MYRIP: variants seen among roughly 807,000 people sequenced by gnomAD.
MYRIP encodes rab effector MyRIP.
In MYRIP, 49 loss-of-function variants were observed where a neutral mutation model predicts 98.0. The observed-to-expected ratio is 0.50, with a 90% CI of 0.40 to 0.63. The LOEUF (loss-of-function observed/expected upper bound fraction) is 0.63. Ranked by LOEUF, MYRIP falls within the 30% of genes least tolerant of loss-of-function variation. MYRIP has a pLI of 0.00. For missense variants in MYRIP, 1,004 were observed against 1,058.2 expected (o/e 0.95, Z 0.71); for synonymous variants, 404 against 409.5 (o/e 0.99, Z 0.16).
intron 12 of MYRIP, among the ~76,000 whole-genome samples, chr3:40,237,253 A>G (rs1472343725): frequency 6.6e-6 from 1 of 152,052 alleles, no homozygotes; most frequent in African/African-American, 2.4e-5. Context: ...CTGTCTGTTC[A>G]CTTTTCACAC....
At chr3:40,156,166 T>G (rs1163020467) in intron 4 of MYRIP, among the ~76,000 whole-genome samples, 1 of 151,624 alleles carries the variant, frequency 6.6e-6, no homozygotes, top group African/African-American at 2.4e-5. Context: ...AATTAATTTT[T>G]GTATAAGGTG....
chr3:39,876,678 C>T (rs1273159545), intron 1 of MYRIP, among the ~76,000 whole-genome samples: 1 of 152,056 alleles, frequency 6.6e-6, no homozygotes, highest in Non-Finnish European at 1.5e-5. Context: ...CCCCCACTCT[C>T]TTCTGGCTTG....
At chr3:40,005,474 G>A (rs1045702466) in intron 2 of MYRIP, among the ~76,000 whole-genome samples, 3 of 152,348 alleles carry the variant, frequency 2.0e-5, no homozygotes, top group Middle Eastern at 3.4e-3. Flanking sequence ...TGTGTCACTT[G>A]TTCCAAGGTA....
At chr3:40,180,410 T>G (rs1038324749) in intron 8 of MYRIP, among the ~76,000 whole-genome samples, 2 of 152,218 alleles carry the variant, frequency 1.3e-5, no homozygotes, top group Non-Finnish European at 2.9e-5. Context: ...AACATTACCC[T>G]CAGTTGCTCC....
chr3:39,877,297 G>A (rs1037879333), intron 1 of MYRIP, among the ~76,000 whole-genome samples: 34 of 151,924 alleles, frequency 2.2e-4, no homozygotes, highest in African/African-American at 6.3e-4. Flanking sequence ...ATGTCCTCCC[G>A]TAGCTCAGAG....
rs558119142 is a variant in MYRIP at position 40,066,394 on chromosome 3, A to G, written c.332+22123A>G. 1.4e-3 allele frequency among the ~76,000 whole-genome samples: 210 copies of G among 152,304 alleles called. 1 individual carries two copies. The highest frequency in any genetic ancestry group is 5.0e-3 in the African/African-American group (207 of 41,572). Reference sequence around the variant, plus strand: ...GACAAAGCAATCTTGAGATCTGAAGAAAACTTTTTTTTTCCTTTATTTATG... The same window carrying G: ...GACAAAGCAATCTTGAGATCTGAAGGAAACTTTTTTTTTCCTTTATTTATG... On this transcript the variant is annotated intron_variant, in intron 3 of 16. Transcript: ENST00000302541.
Position 40,004,661 on chromosome 3 carries a change from C to T in MYRIP, c.111-39389C>T, listed in dbSNP as rs114450484. On this transcript the variant is annotated intron_variant, in intron 2 of 16. Coordinates refer to ENST00000302541, the MANE Select transcript of MYRIP (RefSeq NM_015460.4). ...ACCTTTCCTTCTGAGTCCCCAAAGT[C>T]CACTGTATTATTATTATGCCTTTGC... is the stretch of plus-strand genomic sequence containing the variant. 5.9e-3 allele frequency among the ~76,000 whole-genome samples: 903 copies of T among 152,170 alleles called. 2 individuals carry two copies. Among genetic ancestry groups the T allele is most frequent in the Non-Finnish European group, 9.9e-3 (673 of 68,014 alleles).
chr3:39,896,610 T>C (rs1437112532), intron 1 of MYRIP, among the ~76,000 whole-genome samples: 1 of 152,198 alleles, frequency 6.6e-6, no homozygotes, highest in African/African-American at 2.4e-5. Context: ...AAACCCACCA[T>C]GGTCAAAGTG....
At chr3:40,128,959 G>A (rs1298150104) in intron 3 of MYRIP, among the ~76,000 whole-genome samples, 1 of 152,048 alleles carries the variant, frequency 6.6e-6, no homozygotes, top group African/African-American at 2.4e-5. Context: ...TATTAGCATT[G>A]TATTTTCTTA....
chr3:40,028,847 A>G (rs1316911820), intron 2 of MYRIP, among the ~76,000 whole-genome samples: 1 of 152,136 alleles, frequency 6.6e-6, no homozygotes, highest in African/African-American at 2.4e-5. Context: ...ATATAATCTA[A>G]TAAGTGAGAG....
rs116172319 is a variant in MYRIP, at chr3:40,178,565, C to A, written c.874-3655C>A. Among the ~76,000 whole-genome samples the A allele has an allele frequency of 8.6e-3, 1,317 of 152,306 alleles. 13 individuals carry two copies. The highest frequency in any genetic ancestry group is 0.03 in the African/African-American group (1,267 of 41,550). On this transcript the variant is annotated intron_variant, in intron 8 of 16. Coordinates refer to ENST00000302541, the MANE Select transcript of MYRIP (RefSeq NM_015460.4). ...TTGGGCAAGTTATTCAATCCTGACT[C>A]TGTTTACTCATGTGCACTCAATCAA...
intron 1 of MYRIP, among the ~76,000 whole-genome samples, chr3:39,815,787 A>T (rs1181938843): frequency 2.0e-5 from 3 of 151,992 alleles, no homozygotes; most frequent in Non-Finnish European, 4.4e-5. Context: ...GACTTTGATA[A>T]TGTTTTAAAT....
chr3:40,219,621 G>A (rs1013766274), intron 11 of MYRIP, among the ~76,000 whole-genome samples: 2 of 152,078 alleles, frequency 1.3e-5, no homozygotes, highest in African/African-American at 4.8e-5. Context: ...TGCTCAGAAT[G>A]ATGGTTTCCA....
rs541556266 is a variant in MYRIP, at chr3:39,824,603, A to G, written c.-31+14687A>G. 1.5e-4 allele frequency among the ~76,000 whole-genome samples: 23 copies of G among 151,336 alleles called. No individual in the cohort carries two copies. The Middle Eastern group carries it at 0.01, about 67-fold the overall frequency. ...TTATATTTATTTCTAGGAACCAGGT[A>G]TTTTGTTTTATTTTTTGTAGCCATT... is the stretch of plus-strand genomic sequence containing the variant. On this transcript the variant is annotated intron_variant, in intron 1 of 16. Transcript: ENST00000302541.
At chr3:39,815,652 A>G (rs952564919) in intron 1 of MYRIP, among the ~76,000 whole-genome samples, 9 of 152,162 alleles carry the variant, frequency 5.9e-5, no homozygotes, top group Admixed American at 3.9e-4. Context: ...ACTACAAGTA[A>G]TGGTGGTTTT....
chr3:39,970,889 G>T (rs944342260), intron 2 of MYRIP, among the ~76,000 whole-genome samples: 10 of 152,032 alleles, frequency 6.6e-5, no homozygotes, highest in Non-Finnish European at 1.5e-4. Context: ...TATGTTCTTA[G>T]TTGAAACAGA....
intron 1 of MYRIP, among the ~76,000 whole-genome samples, chr3:39,891,951 G>T (rs1943499731): frequency 6.7e-6 from 1 of 149,474 alleles, no homozygotes; most frequent in African/African-American, 2.5e-5. Flanking sequence ...TGACTTTGTT[G>T]ACTTTATGAT....
intron 3 of MYRIP, among the ~76,000 whole-genome samples, chr3:40,086,319 G>A (rs566501953): frequency 6.6e-6 from 1 of 152,224 alleles, no homozygotes; most frequent in Non-Finnish European, 1.5e-5. Flanking sequence ...AGCAATGGAT[G>A]TGATTCTGTA....
intron 2 of MYRIP, among the ~76,000 whole-genome samples, chr3:40,023,169 G>T (rs1451083061): frequency 6.6e-6 from 1 of 152,182 alleles, no homozygotes; most frequent in East Asian, 1.9e-4. Context: ...GGGAGTCACT[G>T]GTGTCAGGAG....
Sources: allele counts gnomAD v4.1 joint callset (sites outside exome capture counted in the v4.1 genomes callset), GRCh38; gene constraint gnomAD v4.1.1; transcripts MANE v1.5; gene names NCBI Gene and HGNC (gene_info 2026-07-23, HGNC 2026-07-21).